LGR4: variants seen among roughly 807,000 people sequenced by gnomAD.
LGR4 encodes leucine rich repeat containing G protein-coupled receptor 4, also known as leucine-rich repeat-containing G protein-coupled receptor 4.
In LGR4, 44 loss-of-function variants were observed where a neutral mutation model predicts 84.8. The observed-to-expected ratio is 0.52, with a 90% CI of 0.41 to 0.67. The LOEUF (loss-of-function observed/expected upper bound fraction) is 0.67. LGR4 is among the 30% of genes least tolerant of loss of function. The pLI is 0.00. For missense variants in LGR4, 1,032 were observed against 1,131.4 expected (o/e 0.91, Z 1.26); for synonymous variants, 429 against 434.3 (o/e 0.99, Z 0.15).
intron 1 of LGR4, among the ~76,000 whole-genome samples, chr11:27,441,617 T>C (rs1212466101): frequency 6.6e-6 from 1 of 152,082 alleles, no homozygotes. Flanking sequence ...GCTGAAAAAT[T>C]TGTATACACT....
At chr11:27,433,985 C>T (rs1488005746) in intron 1 of LGR4, among the ~76,000 whole-genome samples, 7 of 152,220 alleles carry the variant, frequency 4.6e-5, no homozygotes, top group African/African-American at 1.7e-4. Context: ...CTTAGAAAGG[C>T]TCTCAGGTTC....
At chr11:27,439,903 T>C (rs937721331) in intron 1 of LGR4, among the ~76,000 whole-genome samples, 10 of 100,386 alleles carry the variant, frequency 1.0e-4, no homozygotes, top group African/African-American at 1.6e-4. Context: ...GGATTTCTCT[T>C]TTTTTTTTTT....
At chr11:27,373,898 T>C (rs1862929766) in intron 14 of LGR4, 77 bp downstream of exon 14, 1 of 1,137,884 alleles carries the variant, frequency 8.8e-7, no homozygotes, top group African/African-American at 1.5e-5. Context: ...AATATTTTGA[T>C]TCGACAATGT....
intron 12 of LGR4, among the ~76,000 whole-genome samples, chr11:27,376,724 C>T (rs11029984): frequency 0.22 from 33,387 of 152,032 alleles, 4,591 homozygotes; most frequent in Non-Finnish European, 0.31. Flanking sequence ...ACCAAGACAA[C>T]ACAACTATGA....
intron 1 of LGR4, among the ~76,000 whole-genome samples, chr11:27,448,016 T>A (rs534970439): frequency 3.4e-4 from 51 of 152,218 alleles, no homozygotes; most frequent in Non-Finnish European, 5.1e-4. Flanking sequence ...CAGGTCTATA[T>A]CCTGTGGTTC....
intron 1 of LGR4, among the ~76,000 whole-genome samples, chr11:27,450,675 C>T (rs1164710085): frequency 6.6e-6 from 1 of 152,062 alleles, no homozygotes; most frequent in African/African-American, 2.4e-5. Flanking sequence ...GTAATCCCAC[C>T]TACTCGGGAG....
chr11:27,435,129 G>A (rs112908373), intron 1 of LGR4, among the ~76,000 whole-genome samples: 2,391 of 152,128 alleles, frequency 0.016, 59 homozygotes, highest in African/African-American at 0.054. Flanking sequence ...GAGATCAGGC[G>A]TTCGAGACCA....
chr11:27,416,197 C>T (rs1863813831), intron 1 of LGR4, among the ~76,000 whole-genome samples: 2 of 152,104 alleles, frequency 1.3e-5, no homozygotes, highest in African/African-American at 4.8e-5. Flanking sequence ...GCACCACCAA[C>T]TCCCAAATGT....
chr11:27,388,099 A>T (rs1227482327), intron 4 of LGR4, among the ~76,000 whole-genome samples: 2 of 152,230 alleles, frequency 1.3e-5, no homozygotes, highest in Admixed American at 1.3e-4. Flanking sequence ...ATTTCCAAAA[A>T]ATTGTGAAGT....
chr11:27,436,037 GAGTTGCTGGGAGTAC>G (rs151305137), intron 1 of LGR4, among the ~76,000 whole-genome samples: 5,669 of 151,766 alleles, frequency 0.037, 342 homozygotes, highest in African/African-American at 0.13. Context: ...TCAGCCTCCT[GAGTTGCTGGGAGTAC>G]AGGCGCCCAC....
chr11:27,472,061 CCCCCCG>C, intron 1 of LGR4, 51 bp downstream of exon 1: 1 of 1,176,850 alleles, frequency 8.5e-7, no homozygotes, highest in Non-Finnish European at 1.1e-6. Context: ...CCCCGCGGCG[CCCCCCG>C]CTGGGCCCCG....
At chr11:27,394,707 T>C (rs1193518279) in intron 2 of LGR4, among the ~76,000 whole-genome samples, 1 of 152,144 alleles carries the variant, frequency 6.6e-6, no homozygotes, top group Non-Finnish European at 1.5e-5. Context: ...ACCTCATTTG[T>C]ACCCCCTTAA....
intron 1 of LGR4, 42 bp downstream of exon 1, chr11:27,472,076 C>CCG: frequency 8.5e-7 from 1 of 1,175,586 alleles, no homozygotes; most frequent in Non-Finnish European, 1.1e-6. Flanking sequence ...CGCTGGGCCC[C>CCG]GTTTCCTCCC....
intron 1 of LGR4, among the ~76,000 whole-genome samples, chr11:27,450,538 C>CA (rs1241551456): frequency 6.6e-6 from 1 of 152,046 alleles, no homozygotes; most frequent in East Asian, 1.9e-4. Flanking sequence ...TCTGTAATCC[C>CA]AGTACTTTGA....
At chr11:27,372,123 CCTAAGT>C in intron 16 of LGR4, among the ~76,000 whole-genome samples, 154 bp downstream of exon 16, 1 of 152,170 alleles carries the variant, frequency 6.6e-6, no homozygotes, top group South Asian at 2.1e-4. Flanking sequence ...CCTTGGCCTC[CCTAAGT>C]GCTGAGATTA....
intron 1 of LGR4, among the ~76,000 whole-genome samples, chr11:27,451,259 C>T (rs888645088): frequency 2.6e-5 from 4 of 152,090 alleles, no homozygotes; most frequent in Non-Finnish European, 4.4e-5. Flanking sequence ...AAATGCTTCA[C>T]ACCACTATTT....
intron 17 of LGR4, among the ~76,000 whole-genome samples, chr11:27,370,161 T>A (rs1862853779): frequency 1.3e-5 from 2 of 152,248 alleles, no homozygotes; most frequent in African/African-American, 4.8e-5. Context: ...TTATGAACTT[T>A]CATGAAAATG....
rs1863036427 is a variant in LGR4, at chr11:27,378,787, C to A, written c.972-19G>T. 6.4e-7 allele frequency: 1 copy of A among 1,574,350 alleles called. No homozygotes were observed. Among genetic ancestry groups the A allele is most frequent in the Non-Finnish European group, 8.7e-7 (1 of 1,148,206 alleles). ...CAAAGTCCTGCGGAAAAACATTATT[C>A]ATGTAAGAAATAATTCAACTCAAGA... On this transcript the variant is annotated intron_variant, in intron 10 of 17. Coordinates refer to ENST00000379214, the MANE Select transcript of LGR4 (RefSeq NM_018490.5).
intron 1 of LGR4, among the ~76,000 whole-genome samples, chr11:27,424,881 G>A (rs1863993256): frequency 6.6e-6 from 1 of 152,106 alleles, no homozygotes; most frequent in South Asian, 2.1e-4. Context: ...CCAAGTAGTT[G>A]GGATTATAGG....
Sources: allele counts gnomAD v4.1 joint callset (sites outside exome capture counted in the v4.1 genomes callset), GRCh38; gene constraint gnomAD v4.1.1; transcripts MANE v1.5; gene names NCBI Gene and HGNC (gene_info 2026-07-23, HGNC 2026-07-21).